The following DCBLD2 variants were observed in gnomAD, a reference collection of about 807,000 sequenced individuals.
The protein encoded by DCBLD2 is discoidin, CUB and LCCL domain-containing protein 2.
Under a neutral mutation model 86.8 loss-of-function variants are expected in DCBLD2, and 54 were observed. The observed-to-expected ratio is 0.62, with a 90% CI of 0.50 to 0.78. The LOEUF is 0.78. DCBLD2 is among the 30% of genes least tolerant of loss of function. The pLI is 0.00. For synonymous variants in DCBLD2, 354 were observed against 341.3 expected (o/e 1.04, Z -0.41); for missense variants, 908 against 954.2 (o/e 0.95, Z 0.64).
At chr3:98,856,856 T>C (rs1942938874) in intron 2 of DCBLD2, among the ~76,000 whole-genome samples, 1 of 152,122 alleles carries the variant, frequency 6.6e-6, no homozygotes, top group East Asian at 1.9e-4. Context: ...AAAAACAGAC[T>C]AAAAAGAATA....
intron 3 of DCBLD2, among the ~76,000 whole-genome samples, chr3:98,844,033 T>TGCACACACAC (rs1491239985): frequency 5.7e-5 from 1 of 17,460 alleles, no homozygotes; most frequent in Admixed American, 1.1e-3. Flanking sequence ...CAATCATGCA[T>TGCACACACAC]GCACACACAC....
Position 98,889,876 on chromosome 3 carries a change from T to G in DCBLD2, c.206-8109A>C, listed in dbSNP as rs540817281. Among the ~76,000 whole-genome samples, 3 of 152,156 alleles carry G rather than the reference T, an allele frequency of 2.0e-5. No homozygotes were observed. In the East Asian group the frequency reaches 5.8e-4, roughly 29 times the overall value. The stretch of plus-strand genomic sequence containing the variant: ...TAATTGTAGTTCTTCAGTGGGGCCT[T>G]GGATCTGCAGTTTTACAAGCTTTAA... On this transcript the variant is annotated intron_variant, in intron 1 of 15. Transcript: ENST00000326840.
intron 1 of DCBLD2, among the ~76,000 whole-genome samples, chr3:98,885,903 A>G (rs1943553740): frequency 6.6e-6 from 1 of 151,524 alleles, no homozygotes; most frequent in Non-Finnish European, 1.5e-5. Context: ...ATTGGCATCT[A>G]GTAGGTAAAG....
At chr3:98,861,191 T>C (rs1035205206) in intron 2 of DCBLD2, among the ~76,000 whole-genome samples, 1 of 152,198 alleles carries the variant, frequency 6.6e-6, no homozygotes, top group African/African-American at 2.4e-5. Context: ...TAAATATATA[T>C]GCAGCCAATA....
Position 98,796,608 on chromosome 3 carries a change from C to T in DCBLD2, c.*2764G>A, listed in dbSNP as rs1014605127. The stretch of plus-strand genomic sequence containing the variant: ...ATACTTACTGCATTAATTCTTCACT[C>T]GAACCGTTTACATCAGCGAATAAAC... On this transcript the variant is annotated 3_prime_UTR_variant, in exon 16 of 16. Coordinates refer to ENST00000326840, the MANE Select transcript of DCBLD2 (RefSeq NM_080927.4). The T allele has an allele frequency of 3.3e-5, 5 of 152,606 alleles. No individual in the cohort carries two copies. The South Asian group carries it at 6.2e-4, about 19-fold the overall frequency. The allele number at this position is 152,606 out of a possible 1,614,324, so 9.5% of individuals were successfully genotyped here.
intron 10 of DCBLD2, 123 bp downstream of exon 10, chr3:98,812,209 A>T: frequency 3.0e-6 from 4 of 1,322,498 alleles, no homozygotes; most frequent in Non-Finnish European, 4.1e-6. Context: ...CTTTAAGAAG[A>T]TATTGTAATT....
chr3:98,821,643 CT>C (rs766607408), intron 6 of DCBLD2, among the ~76,000 whole-genome samples: 6 of 152,006 alleles, frequency 3.9e-5, no homozygotes, highest in Admixed American at 6.6e-5. Flanking sequence ...CTTATGTAGA[CT>C]TTTTTTTAAC....
intron 2 of DCBLD2, among the ~76,000 whole-genome samples, chr3:98,852,230 T>C (rs1471420219): frequency 6.7e-6 from 1 of 149,570 alleles, no homozygotes; most frequent in Non-Finnish European, 1.5e-5. Flanking sequence ...TGTGATCTTT[T>C]AATGCTTCTA....
chr3:98,867,000 A>C (rs1220675817), intron 2 of DCBLD2, among the ~76,000 whole-genome samples: 2 of 152,184 alleles, frequency 1.3e-5, no homozygotes, highest in Non-Finnish European at 2.9e-5. Context: ...CAGGTTTGTC[A>C]AAGATCAGAT....
chr3:98,862,762 T>C (rs1423760682), intron 2 of DCBLD2, among the ~76,000 whole-genome samples: 1 of 152,160 alleles, frequency 6.6e-6, no homozygotes, highest in Non-Finnish European at 1.5e-5. Context: ...ACAGCCAATA[T>C]CACACTGAAT....
intron 3 of DCBLD2, among the ~76,000 whole-genome samples, chr3:98,836,645 G>T (rs1340614430): frequency 7.4e-6 from 1 of 135,970 alleles, no homozygotes; most frequent in Non-Finnish European, 1.6e-5. Flanking sequence ...CGGGCAGAGG[G>T]GCTCCTCACT....
At chr3:98,862,984 C>G (rs1943073734) in intron 2 of DCBLD2, among the ~76,000 whole-genome samples, 1 of 152,180 alleles carries the variant, frequency 6.6e-6, no homozygotes, top group Admixed American at 6.5e-5. Flanking sequence ...ATCATCTACG[C>G]CCAAAATCTT....
At chr3:98,898,633 G>A (rs563393405) in intron 1 of DCBLD2, among the ~76,000 whole-genome samples, 16 of 152,042 alleles carry the variant, frequency 1.1e-4, no homozygotes, top group Admixed American at 4.6e-4. Context: ...ATTACAACAT[G>A]TACAAATCCC....
At chr3:98,891,178 G>A (rs570967676) in intron 1 of DCBLD2, among the ~76,000 whole-genome samples, 6 of 151,676 alleles carry the variant, frequency 4.0e-5, no homozygotes, top group East Asian at 1.9e-4. Flanking sequence ...GTGCATGTGT[G>A]ACAGAGGGAG....
chr3:98,876,339 T>C (rs926212528), intron 2 of DCBLD2, among the ~76,000 whole-genome samples: 6 of 125,218 alleles, frequency 4.8e-5, no homozygotes, highest in Non-Finnish European at 9.6e-5. Flanking sequence ...CTGAGCAATA[T>C]AGAAAGACCT....
intron 1 of DCBLD2, among the ~76,000 whole-genome samples, chr3:98,899,574 C>G (rs1943813403): frequency 6.6e-6 from 1 of 152,126 alleles, no homozygotes; most frequent in East Asian, 1.9e-4. Context: ...AAAAACAAGG[C>G]AATCCCTCAT....
In DCBLD2 at chr3:98,901,152, G is replaced by GCA. The variant is rs1559805290; in HGVS notation, c.174_175insTG (p.Leu59CysfsTer20). 1.9e-4 allele frequency: 297 copies of GCA among 1,535,906 alleles called. No individual in the cohort carries two copies. The highest frequency in any genetic ancestry group is 2.5e-4 in the Non-Finnish European group (290 of 1,144,398). ...TGGGCTCCAGCGTCCTCGAGCAGCA[G>GCA]GAGCAGGACAAGTAAGAGCAGGAGG... On this transcript the variant is annotated frameshift_variant, in exon 1 of 16. Coordinates refer to ENST00000326840, the MANE Select transcript of DCBLD2 (RefSeq NM_080927.4). LOFTEE classifies it high-confidence loss of function.
At chr3:98,865,241 G>A (rs1022021337) in intron 2 of DCBLD2, among the ~76,000 whole-genome samples, 7 of 151,794 alleles carry the variant, frequency 4.6e-5, no homozygotes, top group African/African-American at 1.7e-4. Flanking sequence ...AATGGATAAA[G>A]GAAATGTGGT....
chr3:98,870,908 A>T (rs1943270990), intron 2 of DCBLD2, among the ~76,000 whole-genome samples: 2 of 151,962 alleles, frequency 1.3e-5, no homozygotes, highest in African/African-American at 4.8e-5. Context: ...GATTCTTTTA[A>T]TTCATGAACA....
Sources: gnomAD v4.1 joint callset for allele counts (sites outside exome capture counted in the v4.1 genomes callset) on GRCh38, gnomAD v4.1.1 for gene constraint, MANE v1.5 for transcripts, NCBI Gene and HGNC (gene_info 2026-07-23, HGNC 2026-07-21) for gene names.